The following SSH2 variants were observed in gnomAD, a reference collection of about 807,000 sequenced individuals.
SSH2 encodes the protein protein phosphatase Slingshot homolog 2.
A neutral mutation model predicts 135.2 loss-of-function variants in SSH2; 37 were observed. The observed-to-expected ratio is 0.27, with a 90% CI of 0.21 to 0.36. The LOEUF (loss-of-function observed/expected upper bound fraction) is 0.36. SSH2 is among the 10% of genes least tolerant of loss of function. The pLI, the probability that SSH2 is intolerant of heterozygous loss-of-function variation, is 1.00. For synonymous variants in SSH2, 628 were observed against 646.2 expected (o/e 0.97, Z 0.43); for missense variants, 1,408 against 1,765.3 (o/e 0.80, Z 3.63).
At chr17:29,744,095 G>T (rs903796532) in intron 3 of SSH2, among the ~76,000 whole-genome samples, 1 of 152,070 alleles carries the variant, frequency 6.6e-6, no homozygotes, top group South Asian at 2.1e-4. Context: ...CAGAGTACAG[G>T]GACGCCAAAG....
intron 11 of SSH2, among the ~76,000 whole-genome samples, chr17:29,666,171 G>A (rs760404454): frequency 2.0e-5 from 3 of 151,934 alleles, no homozygotes; most frequent in Non-Finnish European, 4.4e-5. Context: ...TCAGGAGTTC[G>A]AGACCACCCT....
intron 6 of SSH2, among the ~76,000 whole-genome samples, chr17:29,679,467 G>C (rs1020768188): frequency 4.0e-5 from 6 of 151,848 alleles, no homozygotes; most frequent in African/African-American, 1.2e-4. Context: ...GAGTGCAATG[G>C]TGTGATATCG....
At chr17:29,667,978 T>C (rs1434133680) in intron 9 of SSH2, among the ~76,000 whole-genome samples, 2 of 152,228 alleles carry the variant, frequency 1.3e-5, no homozygotes, top group African/African-American at 2.4e-5. Flanking sequence ...AGGTAGTGGT[T>C]CAATGTAACT....
chr17:29,684,706 A>G lies in SSH2; in HGVS notation c.358-22T>C, dbSNP rs778346340. Reference sequence around the variant, plus strand: ...CAGCCTGGAATTTAGCAGACAACAGAGAAATTATGAAATTTAGGACATTAA... The same window carrying G: ...CAGCCTGGAATTTAGCAGACAACAGGGAAATTATGAAATTTAGGACATTAA... On this transcript the variant is annotated intron_variant, in intron 5 of 15. Coordinates refer to ENST00000540801, the MANE Select transcript of SSH2 (RefSeq NM_001282129.2). 26 of 1,599,938 alleles carry G rather than the reference A, an allele frequency of 1.6e-5. No homozygotes were observed. The African/African-American group carries it at 3.2e-4, about 20-fold the overall frequency.
intron 2 of SSH2, among the ~76,000 whole-genome samples, chr17:29,826,409 T>C (rs1016294345): frequency 2.0e-5 from 3 of 152,108 alleles, no homozygotes; most frequent in African/African-American, 7.2e-5. Context: ...CCAAAAATAT[T>C]GACAAATGCA....
At chr17:29,639,084 A>G (rs1243944415) in intron 14 of SSH2, among the ~76,000 whole-genome samples, 3 of 152,356 alleles carry the variant, frequency 2.0e-5, no homozygotes, top group African/African-American at 7.2e-5. Flanking sequence ...AGGGAACAGC[A>G]TAAAGGATAG....
At chr17:29,895,138 T>C (rs2066421582) in intron 1 of SSH2, among the ~76,000 whole-genome samples, 1 of 148,640 alleles carries the variant, frequency 6.7e-6, no homozygotes, top group African/African-American at 2.5e-5. Flanking sequence ...TTATACATTC[T>C]ATTTTATTTA....
intron 11 of SSH2, among the ~76,000 whole-genome samples, chr17:29,656,924 A>T (rs1170188608): frequency 2.6e-5 from 4 of 152,154 alleles, no homozygotes; most frequent in Admixed American, 6.5e-5. Context: ...CTTTATATTT[A>T]CTCAATCAAG....
intron 2 of SSH2, among the ~76,000 whole-genome samples, chr17:29,815,341 C>T (rs2151333757): frequency 6.6e-6 from 1 of 152,212 alleles, no homozygotes; most frequent in African/African-American, 2.4e-5. Context: ...CCAGGATGGT[C>T]TCAACCTCCT....
chr17:29,646,560 C>T (rs906559394), intron 14 of SSH2, among the ~76,000 whole-genome samples: 7 of 152,192 alleles, frequency 4.6e-5, no homozygotes, highest in East Asian at 3.9e-4. Context: ...AGTGCAGTGG[C>T]GCGATCTCAA....
At chr17:29,660,269 CTTT>C (rs749186449) in intron 11 of SSH2, among the ~76,000 whole-genome samples, 12 of 140,348 alleles carry the variant, frequency 8.6e-5, no homozygotes, top group Non-Finnish European at 1.1e-4. Context: ...CTAACCTCTC[CTTT>C]TTTTTTTTTT....
chr17:29,810,511 T>G (rs2042422734), intron 2 of SSH2, among the ~76,000 whole-genome samples: 1 of 152,262 alleles, frequency 6.6e-6, no homozygotes, highest in Non-Finnish European at 1.5e-5. Flanking sequence ...CTACAATTTA[T>G]TGTGGTATAT....
chr17:29,656,874 C>T lies in SSH2; in HGVS notation c.1033-1267G>A, dbSNP rs116824675. Among the ~76,000 whole-genome samples the T allele has an allele frequency of 3.8e-3, 579 of 152,310 alleles. 4 individuals are homozygous for T. The highest frequency in any genetic ancestry group is 0.013 in the African/African-American group (539 of 41,566). ...AACATTAACACAATAACCTGATACACTATACATATTTGAATTTCTACAAAT... is the reference window on the plus strand; with the variant it reads ...AACATTAACACAATAACCTGATACATTATACATATTTGAATTTCTACAAAT... On this transcript the variant is annotated intron_variant, in intron 11 of 15. Transcript: ENST00000540801.
intron 6 of SSH2, among the ~76,000 whole-genome samples, chr17:29,683,212 T>C (rs1379476686): frequency 6.6e-6 from 1 of 152,174 alleles, no homozygotes; most frequent in Non-Finnish European, 1.5e-5. Flanking sequence ...TGGCAGGATT[T>C]CCTGAGGCTA....
At chr17:29,648,849 T>C (rs1421024443) in intron 13 of SSH2, among the ~76,000 whole-genome samples, 7 of 152,032 alleles carry the variant, frequency 4.6e-5, no homozygotes, top group Admixed American at 4.6e-4. Context: ...ATACAAAAAT[T>C]AGTTGGGCAG....
chr17:29,720,766 G>A (rs778095899), intron 3 of SSH2, among the ~76,000 whole-genome samples: 1 of 151,950 alleles, frequency 6.6e-6, no homozygotes, highest in Admixed American at 6.6e-5. Context: ...GGAGGAACAG[G>A]AGGAGGAAGA....
Position 29,626,061 on chromosome 17 carries a change from TG to T in SSH2, c.*4779del, listed in dbSNP as rs1480138199. On this transcript the variant is annotated 3_prime_UTR_variant, in exon 16 of 16. Transcript: ENST00000540801. ...GTAATAAAAAAATCTATGATACAAGTGGAACATCCCAACCACCAGGAAGATT... is the reference window on the plus strand; with the variant it reads ...GTAATAAAAAAATCTATGATACAAGTGAACATCCCAACCACCAGGAAGATT... 1.3e-5 allele frequency: 2 copies of T among 152,488 alleles called. No individual in the cohort carries two copies. Among genetic ancestry groups the T allele is most frequent in the Non-Finnish European group, 2.9e-5 (2 of 67,990 alleles). 9.4% of individuals were successfully genotyped at this position (152,488 alleles called of 1,614,324 possible).
Position 29,626,736 on chromosome 17 carries a change from T to C in SSH2, c.*4105A>G, listed in dbSNP as rs1320152107. ...GTTAGGAGTGTGCAGCTTCCTGCTT[T>C]GGTGGCAGGCCTTTTCCTAATATGG... On this transcript the variant is annotated 3_prime_UTR_variant, in exon 16 of 16. Coordinates refer to ENST00000540801, the MANE Select transcript of SSH2 (RefSeq NM_001282129.2). 1 of 152,626 alleles carries C rather than the reference T, an allele frequency of 6.6e-6. No individual in the cohort carries two copies. Among genetic ancestry groups the C allele is most frequent in the African/African-American group, 2.4e-5 (1 of 41,448 alleles). The allele number at this position is 152,626 out of a possible 1,614,324, so 9.5% of individuals were successfully genotyped here.
intron 3 of SSH2, among the ~76,000 whole-genome samples, chr17:29,733,164 C>A (rs1332507533): frequency 6.6e-6 from 1 of 152,158 alleles, no homozygotes; most frequent in Non-Finnish European, 1.5e-5. Flanking sequence ...CAAATGGGGA[C>A]AGAGCTCACT....
Sources: gnomAD v4.1 joint callset for allele counts (sites outside exome capture counted in the v4.1 genomes callset) on GRCh38, gnomAD v4.1.1 for gene constraint, MANE v1.5 for transcripts, NCBI Gene and HGNC (gene_info 2026-07-23, HGNC 2026-07-21) for gene names.